Variants in TP63 observed in about 807,000 individuals in gnomAD.
TP63 encodes the protein tumor protein 63.
Under a neutral mutation model 82.8 loss-of-function variants are expected in TP63, and 17 were observed. The observed-to-expected ratio is 0.21, with a 90% CI of 0.14 to 0.31. The LOEUF (loss-of-function observed/expected upper bound fraction) is 0.31, where lower values mean the gene tolerates loss of function less well. Ranked by LOEUF, TP63 falls within the 10% of genes least tolerant of loss-of-function variation. The pLI is 1.00. For missense variants in TP63, 648 were observed against 895.3 expected (o/e 0.72, Z 3.52); for synonymous variants, 330 against 321.7 (o/e 1.03, Z -0.28).
chr3:189,695,050 C>A (rs1467583703), intron 1 of TP63, among the ~76,000 whole-genome samples: 1 of 151,672 alleles, frequency 6.6e-6, no homozygotes, highest in Non-Finnish European at 1.5e-5. Flanking sequence ...GACCTGCCCA[C>A]CTTGACAGCC....
intron 10 of TP63, chr3:189,880,153 C>A (rs1478312230): frequency 6.2e-7 from 1 of 1,613,678 alleles, no homozygotes; most frequent in African/African-American, 1.3e-5. Flanking sequence ...CATTCCAAGC[C>A]CCCAAACCGA....
rs1455505991 is a variant in TP63, at chr3:189,894,311, C to G, written c.1852C>G (p.Arg618Gly). 6.2e-7 allele frequency: 1 copy of G among 1,613,882 alleles called. No homozygotes were observed. The highest frequency in any genetic ancestry group is 8.5e-7 in the Non-Finnish European group (1 of 1,179,972). Reference sequence around the variant, plus strand: ...ATTCTCCTCCCCTTCTCATCTCCTGCGGACCCCAAGCAGTGCCTCTACAGT... The same window carrying G: ...ATTCTCCTCCCCTTCTCATCTCCTGGGGACCCCAAGCAGTGCCTCTACAGT... ...HEFSSPSHLL[R>G]TPSSASTVSV... The change falls in exon 14 of 14, where the codon CGG (arginine) becomes GGG (glycine). Residue 618 changes from arginine (R) to glycine (G), a missense_variant. Arg to Gly is a moderately radical substitution (Grantham distance 125, BLOSUM62 -2). This residue lies in a region of TP63 where 342 missense variants were observed against 425.7 expected (regional missense o/e 0.80). Transcript: ENST00000264731.
rs1340925530 is a variant in TP63, at chr3:189,650,844, T to C, written c.62+19267T>C. Among the ~76,000 whole-genome samples, 4 of 146,626 alleles carry C rather than the reference T, an allele frequency of 2.7e-5. 2 individuals are homozygous for C. The East Asian group carries it at 9.5e-4, about 35-fold the overall frequency. ...GGTAACAGGCAGAGGCTGGAACAGT[T>C]TGGAGGACTCAGACGAAGACAGGAA... On this transcript the variant is annotated intron_variant, in intron 1 of 13. Coordinates refer to ENST00000264731, the MANE Select transcript of TP63 (RefSeq NM_003722.5).
intron 3 of TP63, among the ~76,000 whole-genome samples, chr3:189,764,164 A>G (rs1288911196): frequency 6.6e-6 from 1 of 152,154 alleles, no homozygotes; most frequent in Non-Finnish European, 1.5e-5. Context: ...TGTTCTTTGC[A>G]GATAAGGCCC....
chr3:189,812,422 C>T (rs7650138), intron 4 of TP63, among the ~76,000 whole-genome samples: 39,668 of 152,030 alleles, frequency 0.26, 5,342 homozygotes, highest in South Asian at 0.31. Flanking sequence ...TTCTTATTTC[C>T]ACAATTTAAT....
At chr3:189,840,642 C>T (rs11709896) in intron 4 of TP63, among the ~76,000 whole-genome samples, 11,271 of 151,390 alleles carry the variant, frequency 0.074, 488 homozygotes, top group Middle Eastern at 0.11. Context: ...GGGTGGATCA[C>T]GAGGTCAGAA....
the TP63 span, among the ~76,000 whole-genome samples, chr3:189,600,983 CAT>C: frequency 6.6e-6 from 1 of 152,312 alleles, no homozygotes; most frequent in Admixed American, 6.5e-5. Context: ...ATCAGTACAA[CAT>C]GTGTTGAATT....
At chr3:189,854,233 T>G (rs2108772753) in intron 4 of TP63, among the ~76,000 whole-genome samples, 1 of 152,300 alleles carries the variant, frequency 6.6e-6, no homozygotes, top group East Asian at 1.9e-4. Flanking sequence ...TTGTTGTTTT[T>G]ATGTTTGTTT....
chr3:189,626,102 G>A, the TP63 span, among the ~76,000 whole-genome samples: 18 of 152,104 alleles, frequency 1.2e-4, no homozygotes, highest in African/African-American at 4.1e-4. Flanking sequence ...CTTTTTCATT[G>A]AATTAAAGTC....
At chr3:189,813,172 G>A (rs931488009) in intron 4 of TP63, among the ~76,000 whole-genome samples, 1 of 152,144 alleles carries the variant, frequency 6.6e-6, no homozygotes, top group Non-Finnish European at 1.5e-5. Context: ...TATTCTTTGT[G>A]TTAAGGAATA....
intron 3 of TP63, among the ~76,000 whole-genome samples, chr3:189,771,202 A>G (rs1214008443): frequency 6.7e-6 from 1 of 148,904 alleles, no homozygotes; most frequent in Non-Finnish European, 1.5e-5. Flanking sequence ...TGAGCTCTCA[A>G]AGATAACGTT....
intron 1 of TP63, among the ~76,000 whole-genome samples, chr3:189,691,407 C>T (rs2889918): frequency 0.26 from 39,242 of 149,130 alleles, 6,253 homozygotes; most frequent in Non-Finnish European, 0.35. Context: ...TGTATGGCAA[C>T]TCAGGATTTC....
chr3:189,619,777 G>A, the TP63 span, among the ~76,000 whole-genome samples: 1 of 152,176 alleles, frequency 6.6e-6, no homozygotes, highest in Non-Finnish European at 1.5e-5. Context: ...TCCAATAGAT[G>A]TTTTTCCAGA....
chr3:189,884,558 TGCTCC>T (rs1452469380), intron 10 of TP63, among the ~76,000 whole-genome samples: 1 of 152,196 alleles, frequency 6.6e-6, no homozygotes, highest in East Asian at 1.9e-4. Context: ...TACCATGACC[TGCTCC>T]ACAAGGATGG....
At chr3:189,712,893 G>A (rs1718695956) in intron 1 of TP63, among the ~76,000 whole-genome samples, 1 of 152,176 alleles carries the variant, frequency 6.6e-6, no homozygotes, top group African/African-American at 2.4e-5. Flanking sequence ...ATGCCATTGA[G>A]TTTGGGCTTT....
intron 3 of TP63, among the ~76,000 whole-genome samples, chr3:189,773,545 C>G (rs529257546): frequency 6.6e-6 from 1 of 152,310 alleles, no homozygotes; most frequent in African/African-American, 2.4e-5. Context: ...CAGACCATGA[C>G]TCAAAATTCA....
At chr3:189,795,575 G>A (rs1725609104) in intron 3 of TP63, among the ~76,000 whole-genome samples, 1 of 151,846 alleles carries the variant, frequency 6.6e-6, no homozygotes, top group Admixed American at 6.6e-5. Flanking sequence ...ATACAAGGGA[G>A]GACTGTGCCA....
intron 4 of TP63, among the ~76,000 whole-genome samples, chr3:189,857,064 G>A (rs1250146971): frequency 6.6e-6 from 1 of 152,016 alleles, no homozygotes; most frequent in African/African-American, 2.4e-5. Context: ...ATATAAAATA[G>A]CCAGAACAAT....
intron 1 of TP63, among the ~76,000 whole-genome samples, chr3:189,673,025 G>A (rs538376850): frequency 3.9e-4 from 59 of 152,196 alleles, no homozygotes; most frequent in Middle Eastern, 6.8e-3. Flanking sequence ...ATTTTTAGTA[G>A]GGACAGGGTT....
Sources: allele counts gnomAD v4.1 joint callset (sites outside exome capture counted in the v4.1 genomes callset), GRCh38; gene constraint gnomAD v4.1.1; regional missense constraint gnomAD v4.1.1; transcripts MANE v1.5; gene names NCBI Gene and HGNC (gene_info 2026-07-23, HGNC 2026-07-21).